PHKB: variants seen among roughly 807,000 people sequenced by gnomAD.
PHKB encodes the protein phosphorylase kinase regulatory subunit beta.
In PHKB, 122 loss-of-function variants were observed where a neutral mutation model predicts 152.1. The ratio of observed to expected loss-of-function variants is 0.80; its 90% CI spans 0.69 to 0.93. The LOEUF (loss-of-function observed/expected upper bound fraction) is 0.93, where lower values mean the gene tolerates loss of function less well. Among genes scored for constraint, PHKB ranks in the 40% least tolerant of loss-of-function variants. PHKB has a pLI of 0.00. For synonymous variants in PHKB, 436 were observed against 464.9 expected, an observed-to-expected ratio of 0.94 and a Z score of 0.80; for missense variants, 1,304 against 1,328.4, an observed-to-expected ratio of 0.98 and a Z score of 0.29.
chr16:47,464,279 A>G, intron 1 of PHKB: 1 of 438,716 alleles, frequency 2.3e-6, no homozygotes, highest in African/African-American at 2.0e-5. Flanking sequence ...TCAAATGTGC[A>G]CATAGCATAT....
intron 6 of PHKB, among the ~76,000 whole-genome samples, chr16:47,521,655 CAA>C (rs34948954): frequency 7.5e-6 from 1 of 132,456 alleles, no homozygotes. Flanking sequence ...AACTACGTCT[CAA>C]AAAAAAAAAA....
At chr16:47,578,933 T>C (rs944363885) in intron 7 of PHKB, among the ~76,000 whole-genome samples, 7 of 152,078 alleles carry the variant, frequency 4.6e-5, no homozygotes, top group African/African-American at 1.7e-4. Flanking sequence ...GACAGGCTTT[T>C]GTTGGGGATT....
At chr16:47,625,340 T>G (rs1043261916) in intron 14 of PHKB, among the ~76,000 whole-genome samples, 4 of 152,246 alleles carry the variant, frequency 2.6e-5, no homozygotes, top group Admixed American at 6.5e-5. Flanking sequence ...ATTGAGTCTT[T>G]TCCTTGTTTG....
intron 16 of PHKB, among the ~76,000 whole-genome samples, chr16:47,645,645 T>C (rs1300913077): frequency 2.3e-4 from 35 of 151,696 alleles, no homozygotes; most frequent in Admixed American, 6.6e-4. Context: ...AGTCAGGTAG[T>C]GTGATGCCTC....
intron 6 of PHKB, 83 bp from the exon 7 acceptor site, chr16:47,547,350 T>C: frequency 4.9e-6 from 4 of 813,792 alleles, no homozygotes; most frequent in Non-Finnish European, 4.2e-6. Flanking sequence ...CCCAAATTGC[T>C]GGGATTACAG....
chr16:47,698,617 T>TC, intron 30 of PHKB, 29 bp downstream of exon 30: 2 of 1,510,788 alleles, frequency 1.3e-6, no homozygotes, highest in Non-Finnish European at 1.8e-6. Context: ...TTTTTTTTTT[T>TC]TTTTTGAGAA....
At chr16:47,694,254 C>T (rs1042986592) in intron 28 of PHKB, among the ~76,000 whole-genome samples, 12 of 152,208 alleles carry the variant, frequency 7.9e-5, no homozygotes, top group African/African-American at 2.7e-4. Flanking sequence ...TTAATCCTGG[C>T]ATCTAAGTCA....
rs993316096 is a variant in PHKB, at chr16:47,700,651, A to C, written c.*1285A>C. ...AAAGTAGATTAAACATTTAAATTTT[A>C]TTTCTTTCCTAAATAGAAAAAAAAA... is the stretch of plus-strand genomic sequence containing the variant. On this transcript the variant is annotated 3_prime_UTR_variant, in exon 31 of 31. Transcript: ENST00000323584. The C allele has an allele frequency of 8.6e-5, 13 of 151,630 alleles. No individual in the cohort carries two copies. The highest frequency in any genetic ancestry group is 1.2e-4 in the Non-Finnish European group (8 of 67,892). The allele number at this position is 151,630 out of a possible 1,614,324, so 9.4% of individuals were successfully genotyped here.
chr16:47,612,619 G>A (rs980706384), intron 14 of PHKB, among the ~76,000 whole-genome samples: 11 of 152,170 alleles, frequency 7.2e-5, no homozygotes, highest in African/African-American at 2.7e-4. Context: ...CCCAAGTGGA[G>A]CCACATCCTA....
rs142810784 is a variant in PHKB, at chr16:47,603,270, G to T, written c.1363+6739G>T. Among the ~76,000 whole-genome samples the T allele has an allele frequency of 3.2e-3, 483 of 152,280 alleles. 1 individual carries two copies. The highest frequency in any genetic ancestry group is 6.0e-3 in the Non-Finnish European group (410 of 68,020). Reference sequence around the variant, plus strand: ...CAAGATAAAATGAATAGAAAAGAGTGTACAGGTATATTTTTACATGTTGGT... The same window carrying T: ...CAAGATAAAATGAATAGAAAAGAGTTTACAGGTATATTTTTACATGTTGGT... On this transcript the variant is annotated intron_variant, in intron 13 of 30. Transcript: ENST00000323584.
intron 7 of PHKB, among the ~76,000 whole-genome samples, chr16:47,578,328 T>G (rs991843246): frequency 6.6e-5 from 10 of 152,204 alleles, no homozygotes; most frequent in African/African-American, 2.2e-4. Flanking sequence ...TTGATTGTAT[T>G]TTTTTCATTT....
At chr16:47,567,586 G>A (rs755098427) in intron 7 of PHKB, among the ~76,000 whole-genome samples, 1 of 152,158 alleles carries the variant, frequency 6.6e-6, no homozygotes, top group Non-Finnish European at 1.5e-5. Context: ...GAATAGAAGT[G>A]ATGAAAGCAG....
chr16:47,659,155 C>G (rs1567344818), intron 20 of PHKB, among the ~76,000 whole-genome samples: 2 of 152,018 alleles, frequency 1.3e-5, no homozygotes, highest in South Asian at 4.2e-4. Context: ...ACTGCATATT[C>G]GGCCTTTCTC....
intron 28 of PHKB, among the ~76,000 whole-genome samples, chr16:47,694,037 T>C (rs1359896882): frequency 6.6e-6 from 1 of 152,112 alleles, no homozygotes; most frequent in Non-Finnish European, 1.5e-5. Flanking sequence ...TAAGAAACAA[T>C]GGGGCCTAGT....
At chr16:47,529,714 A>G (rs761443916) in intron 6 of PHKB, 1 of 152,212 alleles carries the variant, frequency 6.6e-6, no homozygotes, top group Non-Finnish European at 1.5e-5. Context: ...CTCATTGGCC[A>G]GAACTTGGTC....
chr16:47,606,089 T>C (rs1214409933), intron 13 of PHKB, among the ~76,000 whole-genome samples: 1 of 152,254 alleles, frequency 6.6e-6, no homozygotes, highest in Non-Finnish European at 1.5e-5. Context: ...TTGCTGCTGC[T>C]GCAGAGGCAG....
Position 47,547,513 on chromosome 16 carries a change from C to G in PHKB, c.675C>G (p.Ser225Arg), listed in dbSNP as rs967630526. ...ACTTTGGTGTCTGGGAAAGAGGAAGCAAATATAATAATGGCAGCACAGAGC... is the reference window on the plus strand; with the variant it reads ...ACTTTGGTGTCTGGGAAAGAGGAAGGAAATATAATAATGGCAGCACAGAGC... ...VPDFGVWERG[S>R]KYNNGSTELH... Residue 225 changes from serine (S) to arginine (R), a missense_variant, in exon 7 of 31, where the codon AGC becomes AGG. Physicochemically the swap from Ser to Arg is moderately radical, Grantham distance 110. Transcript: ENST00000323584. 2 of 1,609,536 alleles carry G rather than the reference C, an allele frequency of 1.2e-6. No homozygotes were observed. The highest frequency in any genetic ancestry group is 1.7e-5 in the Admixed American group (1 of 59,956).
chr16:47,663,892 G>A, intron 24 of PHKB, 158 bp downstream of exon 24: 1 of 661,456 alleles, frequency 1.5e-6, no homozygotes, highest in South Asian at 1.7e-5. Context: ...TATGTAGCAT[G>A]TCTGTCCCCC....
chr16:47,566,508 G>C (rs1971569543), intron 7 of PHKB: 6 of 1,605,650 alleles, frequency 3.7e-6, no homozygotes, highest in Non-Finnish European at 4.2e-6. Flanking sequence ...TGGATTGCTG[G>C]GTTCACGTGG....
Sources: allele counts gnomAD v4.1 joint callset (sites outside exome capture counted in the v4.1 genomes callset), GRCh38; gene constraint gnomAD v4.1.1; transcripts MANE v1.5; gene names NCBI Gene and HGNC (gene_info 2026-07-23, HGNC 2026-07-21).